The following KCNMB2 variants were observed in gnomAD, a reference collection of about 807,000 sequenced individuals.
KCNMB2 encodes potassium calcium-activated channel subfamily M regulatory beta subunit 2, also known as calcium-activated potassium channel subunit beta-2.
KCNMB2 carries 9 observed loss-of-function variants against 24.5 expected under a neutral mutation model. The ratio of observed to expected loss-of-function variants is 0.37; its 90% CI spans 0.22 to 0.64. The LOEUF (loss-of-function observed/expected upper bound fraction) is 0.64. Among genes scored for constraint, KCNMB2 ranks in the 30% least tolerant of loss-of-function variants. The pLI, the probability that KCNMB2 is intolerant of heterozygous loss-of-function variation, is 0.63. For missense variants in KCNMB2, 226 were observed against 284.3 expected, an observed-to-expected ratio of 0.79 and a Z score of 1.47; for synonymous variants, 109 against 104.4, an observed-to-expected ratio of 1.04 and a Z score of -0.27.
chr3:178,673,755 G>C (rs1239814414), intron 1 of KCNMB2, among the ~76,000 whole-genome samples: 2 of 152,090 alleles, frequency 1.3e-5, no homozygotes, highest in Non-Finnish European at 2.9e-5. Context: ...CTTCCCTAGA[G>C]GAACTGCCTC....
At chr3:178,702,789 G>A (rs1722148010) in intron 1 of KCNMB2, among the ~76,000 whole-genome samples, 1 of 140,150 alleles carries the variant, frequency 7.1e-6, no homozygotes, top group South Asian at 2.2e-4. Context: ...GGTGGAGTTA[G>A]GGCAGATACG....
At chr3:178,756,730 C>T (rs1396312070) in intron 1 of KCNMB2, among the ~76,000 whole-genome samples, 2 of 152,098 alleles carry the variant, frequency 1.3e-5, no homozygotes, top group East Asian at 1.9e-4. Context: ...CCAGAGCAAC[C>T]TCACCTACAG....
At chr3:178,742,429 T>A (rs1366716161) in intron 1 of KCNMB2, among the ~76,000 whole-genome samples, 1 of 152,220 alleles carries the variant, frequency 6.6e-6, no homozygotes, top group Non-Finnish European at 1.5e-5. Flanking sequence ...TGGATTTGCC[T>A]CAAATTTTAT....
At chr3:178,546,831 G>T (rs1715790359) in intron 1 of KCNMB2, among the ~76,000 whole-genome samples, 1 of 152,230 alleles carries the variant, frequency 6.6e-6, no homozygotes. Flanking sequence ...GCAGTGTTGT[G>T]ATCAAAATGG....
chr3:178,687,850 T>C (rs1462915075), intron 1 of KCNMB2, among the ~76,000 whole-genome samples: 1 of 152,130 alleles, frequency 6.6e-6, no homozygotes, highest in East Asian at 1.9e-4. Context: ...TTCTGCAAAC[T>C]ACTTATTTTT....
intron 1 of KCNMB2, among the ~76,000 whole-genome samples, chr3:178,615,088 C>A (rs190870977): frequency 4.9e-4 from 74 of 152,330 alleles, no homozygotes; most frequent in Non-Finnish European, 1.3e-4. Context: ...GACAGAAACT[C>A]CTGTTTCTCC....
rs977465659 is a variant in KCNMB2, at chr3:178,613,754, C to A, written c.-68+77043C>A. ...CTTCTTGATGCTTTTATAATCCTTT[C>A]TTTATCCTTGACCTTTAAAGTTTGA... is the stretch of plus-strand genomic sequence containing the variant. On this transcript the variant is annotated intron_variant, in intron 1 of 4. Transcript: ENST00000452583. Among the ~76,000 whole-genome samples, 17 of 152,260 alleles carry A rather than the reference C, an allele frequency of 1.1e-4. No individual in the cohort carries two copies. The South Asian group carries it at 3.1e-3, about 28-fold the overall frequency.
intron 1 of KCNMB2, among the ~76,000 whole-genome samples, chr3:178,654,365 C>T (rs1481289927): frequency 2.0e-5 from 3 of 151,888 alleles, no homozygotes; most frequent in Non-Finnish European, 4.4e-5. Flanking sequence ...ATATGAGGGA[C>T]ATAGATAAAA....
chr3:178,678,345 G>A (rs1361438910), intron 1 of KCNMB2, among the ~76,000 whole-genome samples: 1 of 152,160 alleles, frequency 6.6e-6, no homozygotes, highest in Non-Finnish European at 1.5e-5. Flanking sequence ...TTTATAATTT[G>A]GAATCTTATT....
intron 1 of KCNMB2, among the ~76,000 whole-genome samples, chr3:178,780,828 C>T (rs1210208985): frequency 6.6e-6 from 1 of 152,114 alleles, no homozygotes; most frequent in Non-Finnish European, 1.5e-5. Flanking sequence ...AAACATAAGA[C>T]CTATTACATA....
At chr3:178,702,669 A>G (rs1722142889) in intron 1 of KCNMB2, among the ~76,000 whole-genome samples, 1 of 151,936 alleles carries the variant, frequency 6.6e-6, no homozygotes, top group Non-Finnish European at 1.5e-5. Flanking sequence ...GATTTTTTAA[A>G]GCTCCAATAG....
At chr3:178,577,345 C>T (rs1020583537) in intron 1 of KCNMB2, among the ~76,000 whole-genome samples, 4 of 152,182 alleles carry the variant, frequency 2.6e-5, no homozygotes, top group African/African-American at 9.6e-5. Context: ...AGGACATCCA[C>T]ACCAAAACCC....
At chr3:178,760,470 T>C (rs912027839) in intron 1 of KCNMB2, among the ~76,000 whole-genome samples, 1 of 140,442 alleles carries the variant, frequency 7.1e-6, no homozygotes, top group African/African-American at 2.6e-5. Flanking sequence ...ATCCAAGATA[T>C]ATATATATTA....
chr3:178,714,549 T>C lies in KCNMB2; in HGVS notation c.-67-92794T>C, dbSNP rs1300088963. ...AGGGAGAAGAGCATGTGTAAGGATG[T>C]AGACTCGGGAGAAAGCACGACATGG... On this transcript the variant is annotated intron_variant, in intron 1 of 4. Transcript: ENST00000452583. Among the ~76,000 whole-genome samples, 3 of 152,160 alleles carry C rather than the reference T, an allele frequency of 2.0e-5. No individual in the cohort carries two copies. The East Asian group carries it at 5.8e-4, about 29-fold the overall frequency.
chr3:178,726,648 C>G (rs1220874691), intron 1 of KCNMB2, among the ~76,000 whole-genome samples: 1 of 151,728 alleles, frequency 6.6e-6, no homozygotes, highest in Non-Finnish European at 1.5e-5. Context: ...CTTTTACAGA[C>G]CAGAGTCTGC....
intron 1 of KCNMB2, among the ~76,000 whole-genome samples, chr3:178,666,347 A>C (rs1011722157): frequency 6.6e-6 from 1 of 152,140 alleles, no homozygotes. Flanking sequence ...CATGTAAAAA[A>C]TCCATGAATA....
chr3:178,645,008 T>C (rs1719867051), intron 1 of KCNMB2, among the ~76,000 whole-genome samples: 1 of 152,122 alleles, frequency 6.6e-6, no homozygotes, highest in Admixed American at 6.5e-5. Flanking sequence ...GCCTTCTTTT[T>C]CTAATGGTAG....
intron 1 of KCNMB2, among the ~76,000 whole-genome samples, chr3:178,581,897 G>A (rs1307282954): frequency 1.3e-4 from 20 of 151,654 alleles, no homozygotes; most frequent in Admixed American, 1.3e-3. Context: ...GGAGAAATAG[G>A]AATACACTGT....
chr3:178,551,644 GCAGA>G (rs1715956556), intron 1 of KCNMB2, among the ~76,000 whole-genome samples: 1 of 152,182 alleles, frequency 6.6e-6, no homozygotes, highest in Non-Finnish European at 1.5e-5. Context: ...TTTGTAGATG[GCAGA>G]CAGTTTACAC....
Sources: allele counts gnomAD v4.1 joint callset (sites outside exome capture counted in the v4.1 genomes callset), GRCh38; gene constraint gnomAD v4.1.1; transcripts MANE v1.5; gene names NCBI Gene and HGNC (gene_info 2026-07-23, HGNC 2026-07-21).